Variants in HMCN2 observed in about 807,000 individuals in gnomAD.
HMCN2 encodes hemicentin-2.
HMCN2 carries 325 observed loss-of-function variants against 377.5 expected under a neutral mutation model. The ratio of observed to expected loss-of-function variants is 0.86; its 90% CI spans 0.79 to 0.94. The LOEUF (loss-of-function observed/expected upper bound fraction) is 0.94, where lower values mean the gene tolerates loss of function less well. Among genes scored for constraint, HMCN2 ranks in the 40% least tolerant of loss-of-function variants. The pLI, the probability that HMCN2 is intolerant of heterozygous loss-of-function variation, is 0.00. For missense variants in HMCN2, 4,543 were observed against 4,725.3 expected, an observed-to-expected ratio of 0.96 and a Z score of 1.13; for synonymous variants, 2,007 against 2,046.8, an observed-to-expected ratio of 0.98 and a Z score of 0.53.
At chr9:130,387,671 C>T (rs1564842656) in intron 61 of HMCN2, among the ~76,000 whole-genome samples, 2 of 152,300 alleles carry the variant, frequency 1.3e-5, no homozygotes, top group South Asian at 2.1e-4. Context: ...GTGGGAAGAA[C>T]GGGCTGAGGG....
At chr9:130,327,012 G>A (rs1313749758) in intron 21 of HMCN2, among the ~76,000 whole-genome samples, 2 of 151,698 alleles carry the variant, frequency 1.3e-5, no homozygotes, top group Non-Finnish European at 2.9e-5. Flanking sequence ...ACAGCAGGAT[G>A]AAGAGAAGCC....
Position 130,374,673 on chromosome 9 carries a change from A to G in HMCN2, c.7610A>G (p.His2537Arg). Residue 2537 changes from histidine to arginine, a missense_variant, in exon 49 of 98, where the codon CAC becomes CGC. Coordinates refer to ENST00000683500, the MANE Select transcript of HMCN2 (RefSeq NM_001291815.2). ...AANAVGEKTK[H>R]FQLSVLLAPT... ...AACGCTGTTGGGGAGAAGACCAAAC[A>G]CTTCCAGCTCAGTGTCCTGTGTAAG... 2.0e-6 allele frequency: 2 copies of G among 985,754 alleles called. No individual in the cohort carries two copies. Among genetic ancestry groups the G allele is most frequent in the Non-Finnish European group, 2.4e-6 (2 of 829,930 alleles). The allele number at this position is 985,754 out of a possible 1,614,324, so 61.1% of individuals were successfully genotyped here.
intron 31 of HMCN2, among the ~76,000 whole-genome samples, 194 bp from the exon 32 acceptor site, chr9:130,354,569 C>A (rs1357284977): frequency 6.6e-6 from 1 of 152,104 alleles, no homozygotes; most frequent in Non-Finnish European, 1.5e-5. Context: ...GGTGGGGTGG[C>A]GCGCCCAGGG....
At chr9:130,334,714 TC>T (rs1224695637) in intron 22 of HMCN2, among the ~76,000 whole-genome samples, 2 of 124,074 alleles carry the variant, frequency 1.6e-5, no homozygotes, top group Non-Finnish European at 3.9e-5. Context: ...TCTTTCTCTC[TC>T]TCTCTCTTCT....
chr9:130,364,445 T>C (rs1462426924), intron 40 of HMCN2, among the ~76,000 whole-genome samples: 1 of 152,280 alleles, frequency 6.6e-6, no homozygotes. Context: ...TGGATAATTA[T>C]AGATTCACAG....
At chr9:130,415,465 A>G (rs1343843554) in intron 85 of HMCN2, among the ~76,000 whole-genome samples, 1 of 152,044 alleles carries the variant, frequency 6.6e-6, no homozygotes, top group Non-Finnish European at 1.5e-5. Context: ...TCAGCCTCCC[A>G]AGTAGCTGGG....
intron 3 of HMCN2, among the ~76,000 whole-genome samples, chr9:130,285,598 A>G (rs1835376494): frequency 6.6e-6 from 1 of 152,136 alleles, no homozygotes; most frequent in Admixed American, 6.5e-5. Flanking sequence ...TTTCACCCCC[A>G]TCAAAGTCCA....
rs1227064623 is a variant in HMCN2 at position 130,303,604 on chromosome 9, C to T, written c.1539C>T (p.Val513=). The T allele has an allele frequency of 1.2e-5, 4 of 325,992 alleles. No individual in the cohort carries two copies. The highest frequency in any genetic ancestry group is 2.7e-5 in the Non-Finnish European group (4 of 149,218). The allele number at this position is 325,992 out of a possible 1,614,324, so 20.2% of individuals were successfully genotyped here. Reference sequence around the variant, plus strand: ...GGCGAGCAAAGGCCCAGATTGTTGTCACAGGTCTGTCCCTTGGGGCCCCTC... The same window carrying T: ...GGCGAGCAAAGGCCCAGATTGTTGTTACAGGTCTGTCCCTTGGGGCCCCTC... ...GTGRAKAQIV[V]TDPPPQLVPA... Residue 513 remains valine, a synonymous_variant, in exon 10 of 98, where the codon GTC becomes GTT. Transcript: ENST00000683500. The surrounding 1 kb of genome is among the most constrained non-coding windows in gnomAD (Gnocchi z 5.2).
At chr9:130,366,117 G>C (rs1840677436) in intron 43 of HMCN2, 122 bp downstream of exon 43, 1 of 744,328 alleles carries the variant, frequency 1.3e-6, no homozygotes, top group African/African-American at 1.9e-5. Flanking sequence ...ATACCTCGAG[G>C]GGGTGGGGAT....
At chr9:130,301,778 G>T (rs1267518740) in intron 8 of HMCN2, among the ~76,000 whole-genome samples, 2 of 152,260 alleles carry the variant, frequency 1.3e-5, no homozygotes, top group African/African-American at 4.8e-5. Flanking sequence ...CTGCTGGCGG[G>T]GATGGGGAGA....
At chr9:130,364,032 C>T (rs992060731) in intron 40 of HMCN2, among the ~76,000 whole-genome samples, 3 of 152,134 alleles carry the variant, frequency 2.0e-5, no homozygotes, top group African/African-American at 7.2e-5. Flanking sequence ...AACGAATGAA[C>T]GTAGTCTTGG....
chr9:130,397,698 G>A (rs1400716080), intron 74 of HMCN2, 43 bp downstream of exon 74: 3 of 1,285,302 alleles, frequency 2.3e-6, no homozygotes, highest in South Asian at 2.5e-5. Flanking sequence ...GTCCCTGTCG[G>A]GGTCCAGTCC....
chr9:130,332,049 G>A (rs1231211576), intron 22 of HMCN2, among the ~76,000 whole-genome samples: 7 of 152,326 alleles, frequency 4.6e-5, no homozygotes, highest in African/African-American at 1.7e-4. Flanking sequence ...GGTGAGGCCT[G>A]CAGCTGGGAT....
intron 4 of HMCN2, among the ~76,000 whole-genome samples, chr9:130,290,382 G>C (rs1184451020): frequency 1.3e-5 from 2 of 152,212 alleles, no homozygotes; most frequent in Non-Finnish European, 2.9e-5. Flanking sequence ...CTGAATTGCC[G>C]AGCATCTTCC....
rs754418470 is a variant in HMCN2, at chr9:130,399,568, G to A, written c.11541G>A (p.Gln3847=). 7.8e-7 allele frequency: 1 copy of A among 1,289,526 alleles called. No individual in the cohort carries two copies. The allele number at this position is 1,289,526 out of a possible 1,614,324, so 79.9% of individuals were successfully genotyped here. Residue 3847 remains glutamine, a synonymous_variant, in exon 76 of 98, where the codon CAG becomes CAA. Transcript: ENST00000683500. ...CCCCCGGCCCCCAGGACTCAGCCCA[G>A]TTTGAATGCGTGGTGAGCAATGAGG... ...LTAPGPQDSA[Q]FECVVSNEVG... is the part of the protein sequence containing the mutation.
chr9:130,430,770 A>G, intron 95 of HMCN2, 166 bp downstream of exon 95: 1 of 651,016 alleles, frequency 1.5e-6, no homozygotes, highest in Non-Finnish European at 2.6e-6. Context: ...GGTGTCTCAG[A>G]GCCTTGGCTG....
chr9:130,407,644 T>C lies in HMCN2; in HGVS notation c.12627T>C (p.Tyr4209=), dbSNP rs1054163788. 10 of 1,285,474 alleles carry C rather than the reference T, an allele frequency of 7.8e-6. No individual in the cohort carries two copies. Among genetic ancestry groups the C allele is most frequent in the Admixed American group, 2.3e-5 (1 of 43,176 alleles). The allele number at this position is 1,285,474 out of a possible 1,614,324, so 79.6% of individuals were successfully genotyped here. A position where few individuals can be genotyped will look rare whatever the true frequency, so the allele number is the denominator to read the frequency against. The part of the protein sequence containing the change: ...AAVSREDSGT[Y]VCWAENRVGR... ...TCTCCAGAGAAGACAGCGGGACCTA[T>C]GTCTGCTGGGCGGAGAACAGAGTGG... Residue 4209 remains tyrosine (Y), a synonymous_variant, in exon 83 of 98, where the codon TAT becomes TAC. Coordinates refer to ENST00000683500, the MANE Select transcript of HMCN2 (RefSeq NM_001291815.2).
chr9:130,371,726 CGGG>C (rs1841031811), intron 46 of HMCN2, among the ~76,000 whole-genome samples: 1 of 152,200 alleles, frequency 6.6e-6, no homozygotes, highest in African/African-American at 2.4e-5. Flanking sequence ...TAAGAATTGC[CGGG>C]TGCATTCTGT....
rs113605246 is a variant in HMCN2, at chr9:130,356,141, C to T, written c.5309C>T (p.Ser1770Leu). ...AEELAGVQVA[S>L]QGTTLHIDHV... is the part of the protein sequence containing the mutation. ...GAGCTGGCTGGGGTGCAGGTGGCCTCGCAGGGGACCACACTGCACATTGAC... is the reference window on the plus strand; with the variant it reads ...GAGCTGGCTGGGGTGCAGGTGGCCTTGCAGGGGACCACACTGCACATTGAC... The change falls in exon 34 of 98, where the codon TCG becomes TTG. Residue 1770 changes from serine to leucine, a missense_variant. Physicochemically the swap from Ser to Leu is moderately radical, Grantham distance 145. Coordinates refer to ENST00000683500, the MANE Select transcript of HMCN2 (RefSeq NM_001291815.2). The T allele has an allele frequency of 2.2e-3, 2,852 of 1,301,720 alleles. 52 individuals carry two copies. The African/African-American group carries it at 0.038, about 17-fold the overall frequency. 80.6% of individuals were successfully genotyped at this position (1,301,720 alleles called of 1,614,324 possible).
Sources: gnomAD v4.1 joint callset for allele counts (sites outside exome capture counted in the v4.1 genomes callset) on GRCh38, gnomAD v4.1.1 for gene constraint, Gnocchi (gnomAD v3.1) non-coding constraint, MANE v1.5 for transcripts, NCBI Gene and HGNC (gene_info 2026-07-23, HGNC 2026-07-21) for gene names.